Variants in ETV1 observed in about 807,000 individuals in gnomAD.
ETV1 encodes the protein ETS translocation variant 1.
A neutral mutation model predicts 62.3 loss-of-function variants in ETV1; 27 were observed. That is an observed-to-expected ratio of 0.43 (90% CI 0.32 to 0.60). The LOEUF (loss-of-function observed/expected upper bound fraction) is 0.60. Among genes scored for constraint, ETV1 ranks in the 20% least tolerant of loss-of-function variants. The pLI, the probability that ETV1 is intolerant of heterozygous loss-of-function variation, is 0.06. For synonymous variants in ETV1, 222 were observed against 199.6 expected (o/e 1.11, Z -0.94); for missense variants, 605 against 605.8 (o/e 1.00, Z 0.01).
Position 13,903,720 on chromosome 7 carries a change from A to C in ETV1, c.1110+2710T>G, listed in dbSNP as rs1014789983. Among the ~76,000 whole-genome samples, 18 of 146,908 alleles carry C rather than the reference A, an allele frequency of 1.2e-4. No homozygotes were observed. The Admixed American group carries it at 1.3e-3, about 10-fold the overall frequency. ...AGAGATTGCAGTGAGCCAAGGTCGC[A>C]CCACTGCACTCCAGCCTGGGTGACA... On this transcript the variant is annotated intron_variant, in intron 12 of 13. Transcript: ENST00000430479.
At chr7:13,901,321 C>T (rs1185390088) in intron 12 of ETV1, among the ~76,000 whole-genome samples, 1 of 152,034 alleles carries the variant, frequency 6.6e-6, no homozygotes, top group Non-Finnish European at 1.5e-5. Flanking sequence ...GCATTTTAAA[C>T]CAGGCGTGCA....
At chr7:13,948,262 T>C (rs1488979496) in intron 6 of ETV1, among the ~76,000 whole-genome samples, 2 of 152,236 alleles carry the variant, frequency 1.3e-5, no homozygotes, top group African/African-American at 4.8e-5. Flanking sequence ...TGATAAGTTG[T>C]CTTGGCTCTG....
chr7:13,966,859 T>C (rs566082773), intron 6 of ETV1, among the ~76,000 whole-genome samples: 27 of 152,304 alleles, frequency 1.8e-4, no homozygotes, highest in African/African-American at 3.4e-4. Context: ...TGATAGCAGA[T>C]ATTTTTCTGA....
chr7:13,928,496 C>T (rs1785698109), intron 9 of ETV1, among the ~76,000 whole-genome samples: 1 of 152,084 alleles, frequency 6.6e-6, no homozygotes, highest in Non-Finnish European at 1.5e-5. Context: ...TGCCTGTAAT[C>T]CCAGCTACTC....
chr7:13,921,488 T>C (rs796901776), intron 9 of ETV1, among the ~76,000 whole-genome samples: 51 of 152,340 alleles, frequency 3.3e-4, no homozygotes, highest in African/African-American at 1.1e-3. Flanking sequence ...AAAACACTTT[T>C]TTCTTTCAGT....
chr7:13,950,492 C>G (rs542773418), intron 6 of ETV1, among the ~76,000 whole-genome samples: 3 of 152,094 alleles, frequency 2.0e-5, no homozygotes, highest in Non-Finnish European at 4.4e-5. Flanking sequence ...TTGAAAAAGC[C>G]CCGGAAGTGA....
chr7:13,984,063 A>G (rs1782273546), intron 5 of ETV1, among the ~76,000 whole-genome samples: 1 of 151,962 alleles, frequency 6.6e-6, no homozygotes, highest in African/African-American at 2.4e-5. Flanking sequence ...CAAATATTTG[A>G]GGACTTTTAT....
rs974018452 is a variant in ETV1 at position 13,894,028 on chromosome 7, G to C, written c.*1838C>G. The C allele has an allele frequency of 8.6e-6, 2 of 232,824 alleles. No individual in the cohort carries two copies. The highest frequency in any genetic ancestry group is 1.7e-5 in the Non-Finnish European group (2 of 117,882). The allele number at this position is 232,824 out of a possible 1,614,324, so 14.4% of individuals were successfully genotyped here. ...GGTTTCTTGATAACTGCTCCACTTA[G>C]AGAAATGAGCTGTGATCTGTGTAGT... is the stretch of plus-strand genomic sequence containing the variant. On this transcript the variant is annotated 3_prime_UTR_variant, in exon 14 of 14. Coordinates refer to ENST00000430479, the MANE Select transcript of ETV1 (RefSeq NM_004956.5).
At chr7:13,937,338 G>C (rs150608414) in intron 7 of ETV1, among the ~76,000 whole-genome samples, 2 of 152,252 alleles carry the variant, frequency 1.3e-5, no homozygotes, top group East Asian at 3.9e-4. Flanking sequence ...TTGTGAAATG[G>C]TTCACCTAAC....
intron 7 of ETV1, among the ~76,000 whole-genome samples, chr7:13,937,210 T>C (rs1388722593): frequency 6.6e-6 from 1 of 152,242 alleles, no homozygotes; most frequent in Non-Finnish European, 1.5e-5. Flanking sequence ...TAAAGGAATA[T>C]ATGCTGCACA....
rs115815871 is a variant in ETV1, at chr7:13,987,734, A to G, written c.133+352T>C. Among the ~76,000 whole-genome samples the G allele has an allele frequency of 4.8e-3, 731 of 152,322 alleles. 5 individuals are homozygous for G. Among genetic ancestry groups the G allele is most frequent in the African/African-American group, 0.017 (692 of 41,568 alleles). ...AGAAAGAAAAAAGTAAGCAGTGTAC[A>G]TAGCTGCTGAATTTGTCCCACTGTA... On this transcript the variant is annotated intron_variant, in intron 4 of 13. Transcript: ENST00000430479.
chr7:13,938,915 A>C (rs1427943626), intron 7 of ETV1, among the ~76,000 whole-genome samples: 1 of 152,242 alleles, frequency 6.6e-6, no homozygotes, highest in Non-Finnish European at 1.5e-5. Context: ...GATCTGGATA[A>C]AAATTATTGC....
chr7:13,978,001 C>T (rs1037407037), intron 5 of ETV1, among the ~76,000 whole-genome samples: 3 of 151,934 alleles, frequency 2.0e-5, no homozygotes, highest in Admixed American at 1.3e-4. Context: ...CTGAATTTTG[C>T]CAAAGTATGC....
chr7:13,967,686 T>C (rs1780443827), intron 6 of ETV1, among the ~76,000 whole-genome samples: 2 of 152,074 alleles, frequency 1.3e-5, no homozygotes, highest in Non-Finnish European at 2.9e-5. Flanking sequence ...ACATGTTTAT[T>C]ATGATTTAAA....
chr7:13,918,774 A>G (rs868747622), intron 9 of ETV1, among the ~76,000 whole-genome samples: 4 of 151,682 alleles, frequency 2.6e-5, no homozygotes, highest in Middle Eastern at 3.4e-3. Flanking sequence ...ACCTAATGCT[A>G]GATGACGAGT....
chr7:13,895,314 G>A lies in ETV1; in HGVS notation c.*552C>T, dbSNP rs866208525. 8 of 233,726 alleles carry A rather than the reference G, an allele frequency of 3.4e-5. No homozygotes were observed. Among genetic ancestry groups the A allele is most frequent in the Admixed American group, 1.1e-4 (2 of 17,818 alleles). The allele number at this position is 233,726 out of a possible 1,614,324, so 14.5% of individuals were successfully genotyped here. On this transcript the variant is annotated 3_prime_UTR_variant, in exon 14 of 14. Coordinates refer to ENST00000430479, the MANE Select transcript of ETV1 (RefSeq NM_004956.5). ...AAAACAACAAACAGCAAATGCAATCGCTAAATACCTTTTTACAAGTGGTGC... is the reference window on the plus strand; with the variant it reads ...AAAACAACAAACAGCAAATGCAATCACTAAATACCTTTTTACAAGTGGTGC...
chr7:13,908,467 C>T (rs1414131527), intron 11 of ETV1, among the ~76,000 whole-genome samples: 3 of 152,010 alleles, frequency 2.0e-5, no homozygotes, highest in Admixed American at 6.6e-5. Context: ...AGAGAAAATG[C>T]TATATTTTAA....
intron 5 of ETV1, among the ~76,000 whole-genome samples, chr7:13,980,552 G>A (rs1390755811): frequency 6.6e-6 from 1 of 152,118 alleles, no homozygotes; most frequent in Admixed American, 6.6e-5. Context: ...AATTAAAGAC[G>A]AAGGGGAAGA....
At chr7:13,922,844 G>C (rs1158888821) in intron 9 of ETV1, among the ~76,000 whole-genome samples, 1 of 152,116 alleles carries the variant, frequency 6.6e-6, no homozygotes, top group African/African-American at 2.4e-5. Context: ...GGTTGCTTAT[G>C]TGTGCCCCAA....
Sources: gnomAD v4.1 joint callset for allele counts (sites outside exome capture counted in the v4.1 genomes callset) on GRCh38, gnomAD v4.1.1 for gene constraint, MANE v1.5 for transcripts, NCBI Gene and HGNC (gene_info 2026-07-23, HGNC 2026-07-21) for gene names.